The following PPM1F variants were observed in gnomAD, a reference collection of about 807,000 sequenced individuals.
PPM1F encodes protein phosphatase, Mg2+/Mn2+ dependent 1F.
Under a neutral mutation model 35.5 loss-of-function variants are expected in PPM1F, and 17 were observed. The observed-to-expected ratio is 0.48, with a 90% CI of 0.33 to 0.72. The LOEUF (loss-of-function observed/expected upper bound fraction) is 0.72, where lower values mean the gene tolerates loss of function less well. Ranked by LOEUF, PPM1F falls within the 30% of genes least tolerant of loss-of-function variation. PPM1F has a pLI of 0.02. For synonymous variants in PPM1F, 241 were observed against 255.5 expected (o/e 0.94, Z 0.54); for missense variants, 521 against 613.0 (o/e 0.85, Z 1.59).
Position 21,921,438 on chromosome 22 carries a change from CT to C in PPM1F, c.*1653del, listed in dbSNP as rs1230884712. 2.6e-5 allele frequency: 4 copies of C among 153,258 alleles called. No individual in the cohort carries two copies. The East Asian group carries it at 5.8e-4, about 22-fold the overall frequency. 9.5% of individuals were successfully genotyped at this position (153,258 alleles called of 1,614,324 possible). ...CTGCAGATGGCCTCTGAGTCCTCCC[CT>C]AGCCCCCTGCCCTCTTCCCTCTACC... On this transcript the variant is annotated 3_prime_UTR_variant, in exon 8 of 8. Coordinates refer to ENST00000263212, the MANE Select transcript of PPM1F (RefSeq NM_014634.4).
At chr22:21,927,446 C>T (rs1347129571) in intron 6 of PPM1F, among the ~76,000 whole-genome samples, 1 of 152,192 alleles carries the variant, frequency 6.6e-6, no homozygotes. Flanking sequence ...CCTTTCTCTG[C>T]TTCTGTCTCC....
rs535016791 is a variant in PPM1F, at chr22:21,950,645, C to T, written c.-61+2147G>A. 190 of 151,982 alleles carry T rather than the reference C, an allele frequency of 1.3e-3. 1 individual carries two copies. Among genetic ancestry groups the T allele is most frequent in the African/African-American group, 4.2e-3 (173 of 41,422 alleles). 9.4% of individuals were successfully genotyped at this position (151,982 alleles called of 1,614,324 possible). On this transcript the variant is annotated intron_variant, in intron 1 of 7. Coordinates refer to ENST00000263212, the MANE Select transcript of PPM1F (RefSeq NM_014634.4). Reference sequence around the variant, plus strand: ...TTTTTTGTTTTTGTTTTTTTTGAGACAGAGTCTTGCTCTGTCACCCAGGCC... The same window carrying T: ...TTTTTTGTTTTTGTTTTTTTTGAGATAGAGTCTTGCTCTGTCACCCAGGCC...
At chr22:21,926,635 C>T (rs2035652036) in intron 6 of PPM1F, among the ~76,000 whole-genome samples, 1 of 152,204 alleles carries the variant, frequency 6.6e-6, no homozygotes, top group South Asian at 2.1e-4. Flanking sequence ...GAAGCCTGCA[C>T]AACAGCATCC....
Position 21,941,688 on chromosome 22 carries a change from G to A in PPM1F, c.207-2008C>T, listed in dbSNP as rs112819722. 3 of 152,472 alleles carry A rather than the reference G, an allele frequency of 2.0e-5. 1 individual carries two copies. Among genetic ancestry groups the A allele is most frequent in the African/African-American group, 7.2e-5 (3 of 41,586 alleles). 9.4% of individuals were successfully genotyped at this position (152,472 alleles called of 1,614,324 possible). On this transcript the variant is annotated intron_variant, in intron 2 of 7. Coordinates refer to ENST00000263212, the MANE Select transcript of PPM1F (RefSeq NM_014634.4). ...GAGTGGCCTTCTGGGTGCCACGAAGGAAATGTTTTAAGAAGTGAGATTGGG... is the reference window on the plus strand; with the variant it reads ...GAGTGGCCTTCTGGGTGCCACGAAGAAAATGTTTTAAGAAGTGAGATTGGG...
rs2070586851 is a variant in PPM1F at position 21,931,297 on chromosome 22, G to A, written c.748-6C>T. 6.2e-7 allele frequency: 1 copy of A among 1,610,976 alleles called. No homozygotes were observed. The highest frequency in any genetic ancestry group is 1.7e-5 in the Admixed American group (1 of 59,996). Reference sequence around the variant, plus strand: ...GTGGTGCCGCTCTGCAGCCGCTGCAGGGAGAGAGGGCCCATGAGAGTTGAG... The same window carrying A: ...GTGGTGCCGCTCTGCAGCCGCTGCAAGGAGAGAGGGCCCATGAGAGTTGAG... On this transcript the variant is annotated splice_region_variant and splice_polypyrimidine_tract_variant and intron_variant, in intron 5 of 7. Coordinates refer to ENST00000263212, the MANE Select transcript of PPM1F (RefSeq NM_014634.4).
chr22:21,922,544 C>T lies in PPM1F; in HGVS notation c.*548G>A, dbSNP rs904365865. The T allele has an allele frequency of 2.0e-5, 3 of 152,834 alleles. No individual in the cohort carries two copies. The highest frequency in any genetic ancestry group is 7.2e-5 in the African/African-American group (3 of 41,470). The allele number at this position is 152,834 out of a possible 1,614,324, so 9.5% of individuals were successfully genotyped here. A position where few individuals can be genotyped will look rare whatever the true frequency, so the allele number is the denominator to read the frequency against. On this transcript the variant is annotated 3_prime_UTR_variant, in exon 8 of 8. Transcript: ENST00000263212. The stretch of plus-strand genomic sequence containing the variant: ...GGGGTGGCTGCTACAGAACAGACCC[C>T]TGGCTCTGCTGCGCTCTCCTCTTTG...
chr22:21,924,061 GAC>G (rs1040356460), intron 7 of PPM1F, among the ~76,000 whole-genome samples: 18 of 152,220 alleles, frequency 1.2e-4, no homozygotes, highest in Non-Finnish European at 2.2e-4. Flanking sequence ...CACAAGGAAA[GAC>G]ACAGCCTGAG....
Position 21,920,670 on chromosome 22 carries a change from A to T in PPM1F, c.*2422T>A, listed in dbSNP as rs2070437538. 6.6e-6 allele frequency: 1 copy of T among 152,310 alleles called. No individual in the cohort carries two copies. The highest frequency in any genetic ancestry group is 1.5e-5 in the Non-Finnish European group (1 of 68,100). The allele number at this position is 152,310 out of a possible 1,614,324, so 9.4% of individuals were successfully genotyped here. ...GGGTGGGGAGCGGCAGTGCTGGGACAAGCCTGGGGAAAGGGTTTCCCATAC... is the reference window on the plus strand; with the variant it reads ...GGGTGGGGAGCGGCAGTGCTGGGACTAGCCTGGGGAAAGGGTTTCCCATAC... On this transcript the variant is annotated 3_prime_UTR_variant, in exon 8 of 8. Transcript: ENST00000263212.
chr22:21,933,901 A>C, intron 4 of PPM1F, 123 bp downstream of exon 4: 1 of 963,070 alleles, frequency 1.0e-6, no homozygotes, highest in Non-Finnish European at 1.5e-6. Flanking sequence ...GGGCAAGTAC[A>C]GGGGCTGACG....
At chr22:21,938,116 T>C in intron 3 of PPM1F, 1 of 1,299,294 alleles carries the variant, frequency 7.7e-7, no homozygotes, top group Non-Finnish European at 1.0e-6. Context: ...GAGACTTCCT[T>C]CTAGCTGCGC....
chr22:21,933,385 CCTCACCT>C lies in PPM1F; in HGVS notation c.746_747+5del, dbSNP rs1255678092. ...CTGCACCTGAGGCCCAGCGGCCAGTCCTCACCTCTCGCTTGGCTTTCCTGAGAAACAT... is the reference window on the plus strand; with the variant it reads ...CTGCACCTGAGGCCCAGCGGCCAGTCCTCGCTTGGCTTTCCTGAGAAACAT... On this transcript the variant is annotated splice_donor_variant and splice_donor_5th_base_variant and coding_sequence_variant and intron_variant, in exon 5 of 8. Coordinates refer to ENST00000263212, the MANE Select transcript of PPM1F (RefSeq NM_014634.4). LOFTEE classifies it high-confidence loss of function. 1 of 1,603,550 alleles carries C rather than the reference CCTCACCT, an allele frequency of 6.2e-7. No homozygotes were observed. Among genetic ancestry groups the C allele is most frequent in the South Asian group, 1.1e-5 (1 of 90,922 alleles).
chr22:21,938,002 A>G (rs1184661026), intron 3 of PPM1F: 6 of 1,047,894 alleles, frequency 5.7e-6, no homozygotes, highest in Non-Finnish European at 7.4e-6. Context: ...TTGGAGTCCA[A>G]AAACTTGACT....
At position 21,920,372 on chromosome 22, in the gene PPM1F, G is replaced by A. The variant is rs17759843; in HGVS notation, c.*2720C>T. The A allele has an allele frequency of 0.066, 10,067 of 152,744 alleles. 443 individuals are homozygous for A. Among genetic ancestry groups the A allele is most frequent in the Middle Eastern group, 0.1 (30 of 296 alleles). 9.5% of individuals were successfully genotyped at this position (152,744 alleles called of 1,614,324 possible). A position where few individuals can be genotyped will look rare whatever the true frequency, so the allele number is the denominator to read the frequency against. On this transcript the variant is annotated 3_prime_UTR_variant, in exon 8 of 8. Coordinates refer to ENST00000263212, the MANE Select transcript of PPM1F (RefSeq NM_014634.4). The stretch of plus-strand genomic sequence containing the variant: ...AAGTGGAGAGCTGGGCTGGAGAAAG[G>A]ATTACAATTTACAGACCAGTGTCCC...
rs757457767 is a variant in PPM1F, at chr22:21,921,210, G to C, written c.*1882C>G. The C allele has an allele frequency of 6.6e-6, 1 of 152,168 alleles. No individual in the cohort carries two copies. Among genetic ancestry groups the C allele is most frequent in the South Asian group, 2.1e-4 (1 of 4,818 alleles). The allele number at this position is 152,168 out of a possible 1,614,324, so 9.4% of individuals were successfully genotyped here. A position where few individuals can be genotyped will look rare whatever the true frequency, so the allele number is the denominator to read the frequency against. On this transcript the variant is annotated 3_prime_UTR_variant, in exon 8 of 8. Transcript: ENST00000263212. Reference sequence around the variant, plus strand: ...GGCGGCTCTAGCGTGCCTCCTCGGCGAGCTGAGAGGAGGCCAAGGTGCTTG... The same window carrying C: ...GGCGGCTCTAGCGTGCCTCCTCGGCCAGCTGAGAGGAGGCCAAGGTGCTTG...
At chr22:21,938,034 G>T in intron 3 of PPM1F, 1 of 1,171,616 alleles carries the variant, frequency 8.5e-7, no homozygotes, top group South Asian at 1.5e-5. Flanking sequence ...CCGTGACAGG[G>T]AGAGCATGAT....
intron 7 of PPM1F, among the ~76,000 whole-genome samples, chr22:21,924,418 C>T (rs948916073): frequency 7.2e-5 from 11 of 152,144 alleles, no homozygotes; most frequent in Non-Finnish European, 1.3e-4. Context: ...CAGGCAGGCA[C>T]CACCACGCCC....
At chr22:21,924,648 G>C (rs2070489919) in intron 7 of PPM1F, among the ~76,000 whole-genome samples, 1 of 149,932 alleles carries the variant, frequency 6.7e-6, no homozygotes, top group African/African-American at 2.5e-5. Flanking sequence ...TCCGCTTACT[G>C]TAACCTCCGC....
intron 3 of PPM1F, 67 bp from the exon 4 acceptor site, chr22:21,934,293 CCT>C (rs2070632618): frequency 7.3e-7 from 1 of 1,365,758 alleles, no homozygotes; most frequent in Non-Finnish European, 1.0e-6. Flanking sequence ...TCGCTGGCTC[CCT>C]GACAGCTCCC....
Position 21,930,059 on chromosome 22 carries a change from C to T in PPM1F, c.891+1089G>A, listed in dbSNP as rs574920670. 4.7e-4 allele frequency among the ~76,000 whole-genome samples: 72 copies of T among 152,286 alleles called. 1 individual carries two copies. Among genetic ancestry groups the T allele is most frequent in the Non-Finnish European group, 9.0e-4 (61 of 68,016 alleles). ...GGAACCTATAAACTGATAAGAAAAA[C>T]AGGCAAAGGAAAAAAACAGTGTTTG... On this transcript the variant is annotated intron_variant, in intron 6 of 7. Coordinates refer to ENST00000263212, the MANE Select transcript of PPM1F (RefSeq NM_014634.4).
Sources: gnomAD v4.1 joint callset for allele counts (sites outside exome capture counted in the v4.1 genomes callset) on GRCh38, gnomAD v4.1.1 for gene constraint, MANE v1.5 for transcripts, NCBI Gene and HGNC (gene_info 2026-07-23, HGNC 2026-07-21) for gene names.